SCARA3: variants seen among roughly 807,000 people sequenced by gnomAD.
SCARA3 encodes scavenger receptor class A member 3.
In SCARA3, 39 loss-of-function variants were observed where a neutral mutation model predicts 47.0. The observed-to-expected ratio is 0.83, with a 90% CI of 0.64 to 1.08. The LOEUF is 1.08. SCARA3 is among the 50% of genes least tolerant of loss of function. SCARA3 has a pLI of 0.00. For synonymous variants in SCARA3, 356 were observed against 334.1 expected, an observed-to-expected ratio of 1.07 and a Z score of -0.71; for missense variants, 724 against 792.3, an observed-to-expected ratio of 0.91 and a Z score of 1.04.
chr8:27,633,924 G>C lies in SCARA3; in HGVS notation c.-277G>C, dbSNP rs934913558. ...GGCAGACCTCGCGGGGCCCCAGCGG[G>C]AAGCGCGGGCGGCGGCGGGATGCGC... On this transcript the variant is annotated 5_prime_UTR_variant, in exon 1 of 6. Coordinates refer to ENST00000301904, the MANE Select transcript of SCARA3 (RefSeq NM_016240.3). 16 of 160,444 alleles carry C rather than the reference G, an allele frequency of 1.0e-4. No homozygotes were observed. The highest frequency in any genetic ancestry group is 3.0e-3 in the Middle Eastern group (1 of 338). 9.9% of individuals were successfully genotyped at this position (160,444 alleles called of 1,614,324 possible).
chr8:27,692,650 GTCTGGTA>G, the SCARA3 span, among the ~76,000 whole-genome samples: 2 of 151,968 alleles, frequency 1.3e-5, no homozygotes, highest in Non-Finnish European at 2.9e-5. Flanking sequence ...TTAACTAAGT[GTCTGGTA>G]TCTTTTTAAG....
Position 27,670,348 on chromosome 8 carries a change from C to T in SCARA3, c.1370-552C>T, listed in dbSNP as rs146775240. Among the ~76,000 whole-genome samples, 16 of 152,280 alleles carry T rather than the reference C, an allele frequency of 1.1e-4. No homozygotes were observed. In the East Asian group the frequency reaches 1.3e-3, roughly 13 times the overall value. On this transcript the variant is annotated intron_variant, in intron 5 of 5. Transcript: ENST00000301904. ...TATGTGTCAATGAAAAGACTCACAA[C>T]GTAGTAGCCTTAAGAGCTCAGTGAA... is the stretch of plus-strand genomic sequence containing the variant.
At chr8:27,702,176 TCC>T in the SCARA3 span, 2 of 152,176 alleles carry the variant, frequency 1.3e-5, no homozygotes, top group African/African-American at 4.8e-5. Flanking sequence ...CCAGCCTCTC[TCC>T]CATGTCATTG....
intron 5 of SCARA3, among the ~76,000 whole-genome samples, chr8:27,661,547 A>G (rs561776690): frequency 1.3e-5 from 2 of 152,350 alleles, no homozygotes; most frequent in African/African-American, 4.8e-5. Context: ...AGATATATTC[A>G]TTAAAAAAAT....
intron 5 of SCARA3, among the ~76,000 whole-genome samples, chr8:27,667,762 T>C (rs1802047403): frequency 6.6e-6 from 1 of 152,186 alleles, no homozygotes; most frequent in Non-Finnish European, 1.5e-5. Flanking sequence ...CAGGGCTGAC[T>C]ATGGCACGCC....
downstream of SCARA3, among the ~76,000 whole-genome samples, chr8:27,681,436 C>T (rs149311477): frequency 1.0e-3 from 156 of 152,232 alleles, no homozygotes; most frequent in African/African-American, 3.4e-3. Flanking sequence ...AATATCTCTA[C>T]ATATGGACTG....
the SCARA3 span, among the ~76,000 whole-genome samples, chr8:27,686,796 CTTTTA>C: frequency 5.9e-5 from 9 of 152,270 alleles, no homozygotes; most frequent in East Asian, 1.9e-4. Flanking sequence ...TTATCTTCAA[CTTTTA>C]TTTTAAGTTC....
the SCARA3 span, among the ~76,000 whole-genome samples, chr8:27,694,723 G>A: frequency 6.6e-6 from 1 of 152,140 alleles, no homozygotes; most frequent in Non-Finnish European, 1.5e-5. Context: ...GACCTAATTT[G>A]TGAACTTGGC....
chr8:27,641,386 A>G (rs1265357652), intron 1 of SCARA3, among the ~76,000 whole-genome samples: 2 of 152,174 alleles, frequency 1.3e-5, no homozygotes, highest in Non-Finnish European at 2.9e-5. Context: ...TCAGAAAAGG[A>G]GGGGGTGAGC....
Position 27,659,098 on chromosome 8 carries a change from C to T in SCARA3, c.928C>T (p.Gln310Ter), listed in dbSNP as rs1801829831. Residue 310 changes from glutamine to a stop codon, truncating the protein, a stop_gained, in exon 5 of 6, where the codon CAG becomes TAG. Transcript: ENST00000301904. LOFTEE classifies it high-confidence loss of function. ...LVLQVMGLQL[Q>*]LDNISSFLDD... ...ACTCCAGGTCATGGGCTTGCAGCTGCAGCTGGATAACATCTCGTCCTTCCT... is the reference window on the plus strand; with the variant it reads ...ACTCCAGGTCATGGGCTTGCAGCTGTAGCTGGATAACATCTCGTCCTTCCT... The T allele has an allele frequency of 6.2e-7, 1 of 1,614,154 alleles. No homozygotes were observed. Among genetic ancestry groups the T allele is most frequent in the Non-Finnish European group, 8.5e-7 (1 of 1,180,034 alleles).
chr8:27,724,637 G>T, the SCARA3 span, among the ~76,000 whole-genome samples: 1 of 151,916 alleles, frequency 6.6e-6, no homozygotes, highest in Non-Finnish European at 1.5e-5. Context: ...CAGCCCTGGC[G>T]ACAGGGCAAG....
Position 27,634,145 on chromosome 8 carries a change from A to T in SCARA3, c.-56A>T. The T allele has an allele frequency of 1.4e-6, 2 of 1,451,142 alleles. No individual in the cohort carries two copies. The highest frequency in any genetic ancestry group is 1.8e-6 in the Non-Finnish European group (2 of 1,106,954). The allele number at this position is 1,451,142 out of a possible 1,614,324, so 89.9% of individuals were successfully genotyped here. A position where few individuals can be genotyped will look rare whatever the true frequency, so the allele number is the denominator to read the frequency against. ...GAGGATCCGCCGGCCGCCCGGCTCC[A>T]CTACAGCTCCAGCCGCCTGCAGCGG... On this transcript the variant is annotated 5_prime_UTR_variant, in exon 1 of 6. Coordinates refer to ENST00000301904, the MANE Select transcript of SCARA3 (RefSeq NM_016240.3).
At chr8:27,697,821 G>A in the SCARA3 span, among the ~76,000 whole-genome samples, 3 of 152,092 alleles carry the variant, frequency 2.0e-5, no homozygotes, top group African/African-American at 7.2e-5. Flanking sequence ...CATGTAAGAC[G>A]TGCCTTTGCT....
At chr8:27,668,382 T>A (rs1416054413) in intron 5 of SCARA3, among the ~76,000 whole-genome samples, 1 of 146,078 alleles carries the variant, frequency 6.8e-6, no homozygotes, top group African/African-American at 2.5e-5. Flanking sequence ...CTACTAAAAA[T>A]ACAAAAAATT....
the SCARA3 span, among the ~76,000 whole-genome samples, chr8:27,715,857 G>C: frequency 1.9e-5 from 2 of 107,206 alleles, no homozygotes; most frequent in African/African-American, 3.8e-5. This position sits in a 1 kb window ranked among gnomAD's most constrained non-coding sequence, Gnocchi z 4.2. Context: ...TAGATAGATA[G>C]ATAGATACAT....
At chr8:27,710,574 A>C in the SCARA3 span, among the ~76,000 whole-genome samples, 1 of 152,172 alleles carries the variant, frequency 6.6e-6, no homozygotes. Flanking sequence ...CAACTGCCTC[A>C]TTGCCACTCC....
chr8:27,665,528 T>G (rs1362459037), intron 5 of SCARA3, among the ~76,000 whole-genome samples: 3 of 152,230 alleles, frequency 2.0e-5, no homozygotes, highest in Non-Finnish European at 4.4e-5. Context: ...GCGGGGCTTT[T>G]GGCTACTTTC....
the SCARA3 span, among the ~76,000 whole-genome samples, chr8:27,732,561 G>A: frequency 6.6e-6 from 1 of 152,208 alleles, no homozygotes; most frequent in African/African-American, 2.4e-5. Flanking sequence ...GTTAAAAGAT[G>A]GCATTGGGTA....
chr8:27,671,652 A>ATC lies in SCARA3; in HGVS notation c.*302_*303insCT. 1 of 1,099,044 alleles carries ATC rather than the reference A, an allele frequency of 9.1e-7. No individual in the cohort carries two copies. Among genetic ancestry groups the ATC allele is most frequent in the Non-Finnish European group, 1.1e-6 (1 of 897,900 alleles). The allele number at this position is 1,099,044 out of a possible 1,614,324, so 68.1% of individuals were successfully genotyped here. A position where few individuals can be genotyped will look rare whatever the true frequency, so the allele number is the denominator to read the frequency against. ...CAGGCATACATGCATGCACACACACATGCACGCACACACACATGCACACAT... is the reference window on the plus strand; with the variant it reads ...CAGGCATACATGCATGCACACACACATCTGCACGCACACACACATGCACACAT... On this transcript the variant is annotated 3_prime_UTR_variant, in exon 6 of 6. Coordinates refer to ENST00000301904, the MANE Select transcript of SCARA3 (RefSeq NM_016240.3).
Sources: gnomAD v4.1 joint callset for allele counts (sites outside exome capture counted in the v4.1 genomes callset) on GRCh38, gnomAD v4.1.1 for gene constraint, Gnocchi (gnomAD v3.1) non-coding constraint, MANE v1.5 for transcripts, NCBI Gene and HGNC (gene_info 2026-07-23, HGNC 2026-07-21) for gene names.